PLD1: variants seen among roughly 807,000 people sequenced by gnomAD.
PLD1 encodes phospholipase D1.
Under a neutral mutation model 137.1 loss-of-function variants are expected in PLD1, and 112 were observed. The observed-to-expected ratio is 0.82, with a 90% CI of 0.70 to 0.96. The LOEUF is 0.96. PLD1 is among the 40% of genes least tolerant of loss of function. The pLI is 0.00. For missense variants in PLD1, 1,321 were observed against 1,342.0 expected (o/e 0.98, Z 0.24); for synonymous variants, 431 against 454.7 (o/e 0.95, Z 0.66).
At chr3:171,722,003 G>T (rs1718162502) in intron 8 of PLD1, among the ~76,000 whole-genome samples, 1 of 151,994 alleles carries the variant, frequency 6.6e-6, no homozygotes, top group Admixed American at 6.5e-5. Flanking sequence ...TATACACATA[G>T]CTCAATTCCA....
intron 24 of PLD1, among the ~76,000 whole-genome samples, chr3:171,618,181 C>A (rs1440558254): frequency 6.6e-6 from 1 of 152,156 alleles, no homozygotes; most frequent in Non-Finnish European, 1.5e-5. Context: ...AGGGCCATAT[C>A]CTCAGTTTCA....
At chr3:171,639,541 A>G (rs549149716) in intron 23 of PLD1, among the ~76,000 whole-genome samples, 2,607 of 73,812 alleles carry the variant, frequency 0.035, 151 homozygotes, top group African/African-American at 0.11. Context: ...TATATTATAT[A>G]AATATATATT....
intron 19 of PLD1, among the ~76,000 whole-genome samples, chr3:171,664,943 T>G (rs1404290922): frequency 6.6e-6 from 1 of 152,212 alleles, no homozygotes; most frequent in Non-Finnish European, 1.5e-5. Flanking sequence ...TGGCACTTAG[T>G]ACTAGATATT....
intron 14 of PLD1, among the ~76,000 whole-genome samples, chr3:171,688,412 G>GA (rs1387187517): frequency 2.6e-5 from 4 of 152,180 alleles, no homozygotes; most frequent in African/African-American, 7.2e-5. Flanking sequence ...AAACAAAGCT[G>GA]AATATGGGAC....
chr3:171,748,508 T>C (rs1366547142), intron 1 of PLD1, among the ~76,000 whole-genome samples: 1 of 152,132 alleles, frequency 6.6e-6, no homozygotes, highest in Non-Finnish European at 1.5e-5. Context: ...GTGTTTTCAA[T>C]GATAACCCAT....
intron 1 of PLD1, among the ~76,000 whole-genome samples, chr3:171,750,818 C>T (rs940845289): frequency 6.6e-6 from 1 of 152,118 alleles, no homozygotes; most frequent in Non-Finnish European, 1.5e-5. Context: ...ATTCAAATTC[C>T]TAAGAATTTC....
chr3:171,803,664 C>T (rs1257597286), intron 1 of PLD1, among the ~76,000 whole-genome samples: 2 of 152,034 alleles, frequency 1.3e-5, no homozygotes, highest in African/African-American at 2.4e-5. Flanking sequence ...ACCTGGGAGG[C>T]GGAAGTTGCA....
At chr3:171,611,540 G>T in intron 25 of PLD1, 1 of 514,818 alleles carries the variant, frequency 1.9e-6, no homozygotes, top group Non-Finnish European at 3.9e-6. Context: ...CAGCTTCCTA[G>T]CCCAGTATTC....
intron 24 of PLD1, among the ~76,000 whole-genome samples, chr3:171,617,584 T>C (rs1354742262): frequency 6.6e-6 from 1 of 152,198 alleles, no homozygotes; most frequent in African/African-American, 2.4e-5. Flanking sequence ...TAAAATCTAC[T>C]TGAAGGGGAG....
intron 25 of PLD1, among the ~76,000 whole-genome samples, chr3:171,607,916 T>C (rs1425204506): frequency 6.6e-6 from 1 of 152,186 alleles, no homozygotes; most frequent in Non-Finnish European, 1.5e-5. Flanking sequence ...ATTTCTATTT[T>C]AAAATAGGCC....
chr3:171,776,699 A>G (rs1423252898), intron 1 of PLD1, among the ~76,000 whole-genome samples: 1 of 152,176 alleles, frequency 6.6e-6, no homozygotes, highest in Non-Finnish European at 1.5e-5. Flanking sequence ...AACATCTGTC[A>G]TGGCTCCTGT....
intron 1 of PLD1, among the ~76,000 whole-genome samples, chr3:171,764,892 AAAG>A (rs1721774784): frequency 4.4e-4 from 9 of 20,390 alleles, no homozygotes; most frequent in East Asian, 1.7e-3. Context: ...AGAAAGAAAG[AAAG>A]GAAGGAAGGA....
intron 1 of PLD1, among the ~76,000 whole-genome samples, chr3:171,749,085 T>G (rs1720473822): frequency 6.6e-6 from 1 of 152,120 alleles, no homozygotes; most frequent in African/African-American, 2.4e-5. Flanking sequence ...AAACACAGAA[T>G]TGTTAGGTAA....
chr3:171,675,191 C>T (rs1047672044), intron 18 of PLD1, among the ~76,000 whole-genome samples: 5 of 151,962 alleles, frequency 3.3e-5, no homozygotes, highest in African/African-American at 4.8e-5. Flanking sequence ...TCTGTAGTTA[C>T]AGAACTTTAT....
In PLD1 at chr3:171,614,011, G is replaced by A. The variant is rs569140335; in HGVS notation, c.2729-1579C>T. ...CGGCCCTCTGACTGGAGCAGCCAGA[G>A]CTATAAGGTGACAGCAGCCCTACCA... is the stretch of plus-strand genomic sequence containing the variant. On this transcript the variant is annotated intron_variant, in intron 24 of 26. Coordinates refer to ENST00000351298, the MANE Select transcript of PLD1 (RefSeq NM_002662.5). Among the ~76,000 whole-genome samples, 3 of 152,322 alleles carry A rather than the reference G, an allele frequency of 2.0e-5. No homozygotes were observed. In the South Asian group the frequency reaches 6.2e-4, roughly 32 times the overall value.
chr3:171,690,834 T>A (rs563318167), intron 13 of PLD1, among the ~76,000 whole-genome samples: 1 of 152,174 alleles, frequency 6.6e-6, no homozygotes, highest in African/African-American at 2.4e-5. Context: ...TGTATGCCCA[T>A]TGGATCCAGT....
chr3:171,677,854 G>T, intron 16 of PLD1, 160 bp from the exon 17 acceptor site: 1 of 597,656 alleles, frequency 1.7e-6, no homozygotes, highest in South Asian at 2.6e-5. Context: ...GGCTAACAAG[G>T]TTTTACAGTC....
At chr3:171,713,742 GA>G (rs1560243088) in intron 9 of PLD1, 150 bp downstream of exon 9, 2 of 639,814 alleles carry the variant, frequency 3.1e-6, no homozygotes, top group Admixed American at 2.9e-5. Flanking sequence ...TATATACAAG[GA>G]AAAAAGTGGT....
intron 21 of PLD1, among the ~76,000 whole-genome samples, chr3:171,656,993 T>TTCAGGTTAGGATGG (rs1737264324): frequency 6.6e-6 from 1 of 152,176 alleles, no homozygotes; most frequent in Non-Finnish European, 1.5e-5. Context: ...TGAATGGGTT[T>TTCAGGTTAGGATGG]TTAATCCTAA....
Sources: allele counts gnomAD v4.1 joint callset (sites outside exome capture counted in the v4.1 genomes callset), GRCh38; gene constraint gnomAD v4.1.1; transcripts MANE v1.5; gene names NCBI Gene and HGNC (gene_info 2026-07-23, HGNC 2026-07-21).